ERC2: variants seen among roughly 807,000 people sequenced by gnomAD.
The protein encoded by ERC2 is ELKS/RAB6-interacting/CAST family member 2.
A neutral mutation model predicts 114.8 loss-of-function variants in ERC2; 42 were observed. The ratio of observed to expected loss-of-function variants is 0.37; its 90% CI spans 0.29 to 0.47. The LOEUF is 0.47. Ranked by LOEUF, ERC2 falls within the 20% of genes least tolerant of loss-of-function variation. ERC2 has a pLI of 0.99. For missense variants in ERC2, 939 were observed against 1,150.7 expected (o/e 0.82, Z 2.66); for synonymous variants, 454 against 425.5 (o/e 1.07, Z -0.82).
rs148098432 is a variant in ERC2 at position 56,219,897 on chromosome 3, A to C, written c.1075-46377T>G. ...TTTTTTTCATCTCGCTGGGCCTCCC[A>C]TTTTGGCATTCATAAAATACAGATA... On this transcript the variant is annotated intron_variant, in intron 3 of 17. Transcript: ENST00000288221. Among the ~76,000 whole-genome samples, 296 of 152,264 alleles carry C rather than the reference A, an allele frequency of 1.9e-3. 1 individual carries two copies. The highest frequency in any genetic ancestry group is 2.8e-3 in the Non-Finnish European group (188 of 68,012).
At chr3:55,699,236 G>A in intron 16 of ERC2, 142 bp downstream of exon 16, 1 of 1,072,996 alleles carries the variant, frequency 9.3e-7, no homozygotes, top group South Asian at 1.5e-5. Flanking sequence ...TTGACTGATG[G>A]AAATAAATAC....
intron 14 of ERC2, among the ~76,000 whole-genome samples, chr3:55,836,759 C>G (rs1447393766): frequency 1.3e-5 from 2 of 152,084 alleles, no homozygotes; most frequent in Non-Finnish European, 2.9e-5. Flanking sequence ...CAAATGGGAT[C>G]TAATTAAACT....
intron 6 of ERC2, among the ~76,000 whole-genome samples, chr3:56,130,546 G>A (rs748854274): frequency 6.6e-6 from 1 of 152,144 alleles, no homozygotes; most frequent in African/African-American, 2.4e-5. Context: ...TAAATAAGGC[G>A]TTCTCTGAAA....
intron 17 of ERC2, among the ~76,000 whole-genome samples, chr3:55,594,545 G>A (rs1021157890): frequency 1.3e-5 from 2 of 152,004 alleles, no homozygotes; most frequent in Admixed American, 6.6e-5. Flanking sequence ...ATAGTGGCGC[G>A]ATTTTGACTC....
intron 3 of ERC2, among the ~76,000 whole-genome samples, chr3:56,175,283 A>G (rs2082913634): frequency 1.3e-5 from 2 of 152,102 alleles, no homozygotes; most frequent in South Asian, 4.2e-4. Flanking sequence ...CTCTTTCTCA[A>G]CCTCCAATTT....
At chr3:56,175,577 T>C (rs911410836) in intron 3 of ERC2, among the ~76,000 whole-genome samples, 2 of 152,122 alleles carry the variant, frequency 1.3e-5, no homozygotes, top group Non-Finnish European at 2.9e-5. Context: ...GCTTGTCTCA[T>C]TCAAGCCTCA....
intron 17 of ERC2, among the ~76,000 whole-genome samples, chr3:55,572,483 AT>A (rs2056768764): frequency 6.6e-6 from 1 of 152,222 alleles, no homozygotes; most frequent in Admixed American, 6.5e-5. Context: ...ACCAGGGGCC[AT>A]TTTTTGGACC....
intron 14 of ERC2, among the ~76,000 whole-genome samples, chr3:55,793,471 C>A (rs974642352): frequency 5.3e-5 from 8 of 152,060 alleles, no homozygotes; most frequent in Non-Finnish European, 1.2e-4. Flanking sequence ...ACTGGTTCTG[C>A]AAAGTTTTTA....
At chr3:55,991,501 A>G (rs1386536453) in intron 11 of ERC2, among the ~76,000 whole-genome samples, 1 of 152,226 alleles carries the variant, frequency 6.6e-6, no homozygotes, top group Non-Finnish European at 1.5e-5. Flanking sequence ...AGAATTTGCT[A>G]TCATGCAGGA....
At chr3:55,674,613 GA>G (rs1259899401) in intron 17 of ERC2, among the ~76,000 whole-genome samples, 3 of 152,172 alleles carry the variant, frequency 2.0e-5, no homozygotes, top group African/African-American at 7.2e-5. Context: ...CCCTCTGATG[GA>G]CAAAGATACA....
chr3:55,894,875 G>T (rs998311368), intron 13 of ERC2, among the ~76,000 whole-genome samples: 2 of 152,228 alleles, frequency 1.3e-5, no homozygotes, highest in African/African-American at 4.8e-5. Context: ...TAGTGCCACA[G>T]AAGTATCAAC....
intron 14 of ERC2, among the ~76,000 whole-genome samples, chr3:55,777,188 C>G (rs2068690543): frequency 1.3e-5 from 2 of 152,216 alleles, no homozygotes; most frequent in African/African-American, 2.4e-5. Flanking sequence ...GTGGATCATA[C>G]CTGGTGTCAA....
At chr3:56,266,422 A>G (rs6445778) in intron 3 of ERC2, among the ~76,000 whole-genome samples, 104,202 of 151,916 alleles carry the variant, frequency 0.69, 36,777 homozygotes, top group Non-Finnish European at 0.76. Flanking sequence ...GAGCCACCGC[A>G]CCCAGCAAAT....
At chr3:56,043,723 A>G (rs112570800) in intron 7 of ERC2, among the ~76,000 whole-genome samples, 42 of 152,152 alleles carry the variant, frequency 2.8e-4, no homozygotes, top group African/African-American at 9.9e-4. Context: ...TTCTAAACTT[A>G]TAAGTTAGTT....
intron 3 of ERC2, among the ~76,000 whole-genome samples, chr3:56,231,769 A>G (rs1198731372): frequency 1.3e-5 from 2 of 152,168 alleles, no homozygotes; most frequent in African/African-American, 4.8e-5. Flanking sequence ...GAAAAATAAT[A>G]TTAAAATTGT....
At chr3:56,285,690 C>A (rs1026131854) in intron 3 of ERC2, among the ~76,000 whole-genome samples, 2 of 152,204 alleles carry the variant, frequency 1.3e-5, no homozygotes, top group East Asian at 1.9e-4. Flanking sequence ...TGTCCATGGG[C>A]AAACCTGGCA....
intron 12 of ERC2, among the ~76,000 whole-genome samples, chr3:55,981,571 A>C (rs2070144163): frequency 6.6e-6 from 1 of 152,184 alleles, no homozygotes; most frequent in Non-Finnish European, 1.5e-5. Context: ...TTGCAGAAGG[A>C]TTTCAATGAA....
chr3:55,887,207 C>A (rs2063388260), intron 14 of ERC2, among the ~76,000 whole-genome samples: 1 of 152,022 alleles, frequency 6.6e-6, no homozygotes, highest in African/African-American at 2.4e-5. Flanking sequence ...TATAATAATA[C>A]CTGGTTTTAT....
chr3:55,685,012 C>T (rs2062252754), intron 16 of ERC2, among the ~76,000 whole-genome samples: 1 of 152,152 alleles, frequency 6.6e-6, no homozygotes, highest in African/African-American at 2.4e-5. Flanking sequence ...CAATATTTGG[C>T]CATTTTTACC....
Sources: gnomAD v4.1 joint callset for allele counts (sites outside exome capture counted in the v4.1 genomes callset) on GRCh38, gnomAD v4.1.1 for gene constraint, MANE v1.5 for transcripts, NCBI Gene and HGNC (gene_info 2026-07-23, HGNC 2026-07-21) for gene names.